ZSCAN25: variants seen among roughly 807,000 people sequenced by gnomAD.
The protein encoded by ZSCAN25 is zinc finger and SCAN domain-containing protein 25.
ZSCAN25 carries 27 observed loss-of-function variants against 38.7 expected under a neutral mutation model. The observed-to-expected ratio is 0.70, with a 90% confidence interval of 0.51 to 0.96. The LOEUF (loss-of-function observed/expected upper bound fraction) is 0.96. Ranked by LOEUF, ZSCAN25 falls within the 40% of genes least tolerant of loss-of-function variation. The probability of loss-of-function intolerance (pLI) is 0.00; values close to 1 mark genes in which losing one functional copy is unlikely to be tolerated. For synonymous variants in ZSCAN25, 273 were observed against 277.7 expected, an observed-to-expected ratio of 0.98 and a Z score of 0.17; for missense variants, 637 against 705.9, an observed-to-expected ratio of 0.90 and a Z score of 1.11.
At chr7:99,731,983 G>A in the ZSCAN25 span, among the ~76,000 whole-genome samples, 2 of 152,128 alleles carry the variant, frequency 1.3e-5, no homozygotes, top group Admixed American at 1.3e-4. Flanking sequence ...CTTCCAACTG[G>A]TGATATCCAC....
At chr7:99,652,643 A>G in the ZSCAN25 span, 9 of 1,613,984 alleles carry the variant, frequency 5.6e-6, no homozygotes, top group Non-Finnish European at 7.6e-6. Flanking sequence ...CCCTTTGGGA[A>G]TGAATACCCC....
At chr7:99,679,985 G>T in the ZSCAN25 span, 2 of 1,103,568 alleles carry the variant, frequency 1.8e-6, no homozygotes, top group Non-Finnish European at 2.8e-6. Context: ...GAGCTTCCCT[G>T]CCCTGCACAG....
chr7:99,730,614 A>G, the ZSCAN25 span: 3 of 182,692 alleles, frequency 1.6e-5, no homozygotes, highest in Non-Finnish European at 1.2e-5. Context: ...GCTGTGCAGG[A>G]GGAAGGGAAA....
chr7:99,710,884 C>A, the ZSCAN25 span: 2 of 1,613,712 alleles, frequency 1.2e-6, no homozygotes, highest in Non-Finnish European at 1.7e-6. Flanking sequence ...AGCTCCAGAT[C>A]AGACAGAGCT....
the ZSCAN25 span, among the ~76,000 whole-genome samples, chr7:99,646,442 G>T: frequency 2.0e-5 from 3 of 152,040 alleles, no homozygotes; most frequent in Admixed American, 1.3e-4. Flanking sequence ...CGTTGATTTT[G>T]TATCCTGCAA....
At chr7:99,679,997 A>G in the ZSCAN25 span, 1 of 985,866 alleles carries the variant, frequency 1.0e-6, no homozygotes, top group Middle Eastern at 2.1e-4. Context: ...CCTGCACAGC[A>G]GTCTTCAGCC....
the ZSCAN25 span, among the ~76,000 whole-genome samples, chr7:99,679,145 C>A: frequency 6.6e-6 from 1 of 152,142 alleles, no homozygotes; most frequent in Non-Finnish European, 1.5e-5. Context: ...TCCTCCAGGT[C>A]TCCTTTGCTC....
At chr7:99,650,201 A>T in the ZSCAN25 span, 1 of 1,614,072 alleles carries the variant, frequency 6.2e-7, no homozygotes, top group Non-Finnish European at 8.5e-7. Flanking sequence ...GTGTATATGT[A>T]AGGATCTATG....
the ZSCAN25 span, chr7:99,685,058 AC>A: frequency 4.3e-5 from 43 of 1,008,880 alleles, no homozygotes; most frequent in African/African-American, 5.1e-4. Flanking sequence ...ATTTCAGGGT[AC>A]TATTCACAAA....
intron 7 of ZSCAN25, among the ~76,000 whole-genome samples, chr7:99,626,606 A>G (rs1335639278): frequency 2.0e-5 from 3 of 152,162 alleles, no homozygotes; most frequent in Non-Finnish European, 4.4e-5. Flanking sequence ...GCCTGGAAAA[A>G]TTATGTTACT....
At chr7:99,635,985 T>G (rs1186168254), downstream of ZSCAN25, among the ~76,000 whole-genome samples, 1 of 141,490 alleles carries the variant, frequency 7.1e-6, no homozygotes, top group Non-Finnish European at 1.5e-5. Context: ...AGGCAGAGCT[T>G]GCAGTGAGTG....
At chr7:99,638,469 C>T in the ZSCAN25 span, 1 of 1,534,732 alleles carries the variant, frequency 6.5e-7, no homozygotes, top group East Asian at 2.3e-5. Flanking sequence ...CAGCTCCTGG[C>T]AAGCCTCATC....
the ZSCAN25 span, among the ~76,000 whole-genome samples, chr7:99,656,183 T>A: frequency 6.6e-6 from 1 of 152,198 alleles, no homozygotes; most frequent in African/African-American, 2.4e-5. Flanking sequence ...TGATTCCAGT[T>A]TTTGTCCATT....
chr7:99,622,463 A>G, intron 5 of ZSCAN25, 86 bp from the exon 6 acceptor site: 1 of 1,242,430 alleles, frequency 8.0e-7, no homozygotes, highest in Non-Finnish European at 1.2e-6. Flanking sequence ...GGTTGTGAGC[A>G]TCTGGTAGGG....
the ZSCAN25 span, chr7:99,730,977 TGAG>T: frequency 1.3e-6 from 2 of 1,553,798 alleles, no homozygotes; most frequent in Admixed American, 1.7e-5. Flanking sequence ...ACCTTCCTCT[TGAG>T]GAGAAGCATT....
At chr7:99,699,683 T>C in the ZSCAN25 span, among the ~76,000 whole-genome samples, 1 of 152,158 alleles carries the variant, frequency 6.6e-6, no homozygotes, top group South Asian at 2.1e-4. Flanking sequence ...TTTCATTGAT[T>C]AGTATAGGTC....
chr7:99,644,993 A>G, the ZSCAN25 span, among the ~76,000 whole-genome samples: 6 of 152,092 alleles, frequency 3.9e-5, no homozygotes, highest in Non-Finnish European at 7.4e-5. Context: ...CCCCAGAGCT[A>G]GGTTCACTTC....
At position 99,630,073 on chromosome 7, in the gene ZSCAN25, T is replaced by C; in HGVS notation, c.*53T>C. The stretch of plus-strand genomic sequence containing the variant: ...ATTCATCTTTCTCACTGCAGGGCCT[T>C]GCGGGGTGCAAGGTGATGGCTGCAG... On this transcript the variant is annotated 3_prime_UTR_variant, in exon 8 of 8. Transcript: ENST00000394152. 5.5e-6 allele frequency: 8 copies of C among 1,462,184 alleles called. No homozygotes were observed. The highest frequency in any genetic ancestry group is 7.2e-6 in the Non-Finnish European group (8 of 1,106,490). The allele number at this position is 1,462,184 out of a possible 1,614,324, so 90.6% of individuals were successfully genotyped here. A position where few individuals can be genotyped will look rare whatever the true frequency, so the allele number is the denominator to read the frequency against.
chr7:99,684,424 T>C, the ZSCAN25 span, among the ~76,000 whole-genome samples: 2 of 152,152 alleles, frequency 1.3e-5, no homozygotes, highest in Admixed American at 1.3e-4. Flanking sequence ...CACCTCGGCC[T>C]CCCAAAGTGC....
Sources: gnomAD v4.1 joint callset for allele counts (sites outside exome capture counted in the v4.1 genomes callset) on GRCh38, gnomAD v4.1.1 for gene constraint, MANE v1.5 for transcripts, NCBI Gene and HGNC (gene_info 2026-07-23, HGNC 2026-07-21) for gene names.